ZMYND15: variants seen among roughly 807,000 people sequenced by gnomAD.
The protein encoded by ZMYND15 is zinc finger MYND domain-containing protein 15.
In ZMYND15, 54 loss-of-function variants were observed where a neutral mutation model predicts 81.7. That is an observed-to-expected ratio of 0.66 (90% CI 0.53 to 0.83). ZMYND15 has a LOEUF of 0.83. Among genes scored for constraint, ZMYND15 ranks in the 40% least tolerant of loss-of-function variants. The pLI is 0.00. For missense variants in ZMYND15, 925 were observed against 973.5 expected (o/e 0.95, Z 0.66); for synonymous variants, 399 against 387.0 (o/e 1.03, Z -0.36).
rs1916589937 is a variant in ZMYND15 at position 4,744,799 on chromosome 17, G to C, written c.1837+21G>C. 1 of 1,614,058 alleles carries C rather than the reference G, an allele frequency of 6.2e-7. No homozygotes were observed. Among genetic ancestry groups the C allele is most frequent in the Non-Finnish European group, 8.5e-7 (1 of 1,180,032 alleles). On this transcript the variant is annotated intron_variant, in intron 11 of 13. Coordinates refer to ENST00000433935, the MANE Select transcript of ZMYND15 (RefSeq NM_001136046.3). This position sits in a 1 kb window ranked among gnomAD's most constrained non-coding sequence, Gnocchi z 4.1. The stretch of plus-strand genomic sequence containing the variant: ...TATTGGTAAAAGCCTGGGTCTCAGG[G>C]TTAGGCATGTGGGGAAGGTGGGAGA...
rs186245265 is a variant in ZMYND15 at position 4,740,406 on chromosome 17, C to T, written c.-30-113C>T. On this transcript the variant is annotated intron_variant, in intron 1 of 13. Coordinates refer to ENST00000433935, the MANE Select transcript of ZMYND15 (RefSeq NM_001136046.3). ...CTCTTCTCCGCTCCTAGCATATCCA[C>T]GGATCCAACCCTAAGTGACTCTCAA... 13 of 1,368,202 alleles carry T rather than the reference C, an allele frequency of 9.5e-6. No homozygotes were observed. The East Asian group carries it at 2.4e-4, about 26-fold the overall frequency. 84.8% of individuals were successfully genotyped at this position (1,368,202 alleles called of 1,614,324 possible). A position where few individuals can be genotyped will look rare whatever the true frequency, so the allele number is the denominator to read the frequency against.
At position 4,741,733 on chromosome 17, in the gene ZMYND15, C is replaced by T. The variant is rs1224893748; in HGVS notation, c.744C>T (p.Leu248=). 2 of 1,611,716 alleles carry T rather than the reference C, an allele frequency of 1.2e-6. No individual in the cohort carries two copies. Among genetic ancestry groups the T allele is most frequent in the Non-Finnish European group, 1.7e-6 (2 of 1,178,640 alleles). The change falls in exon 3 of 14, where the codon CTC becomes CTT. Residue 248 remains leucine, a synonymous_variant. Transcript: ENST00000433935. ...KDLAPWAYAL[L]CHSMACPMGS... ...TGGCTCCTTGGGCCTATGCTCTCCT[C>T]TGTCACAGCATGGCCTGTCCCATGG...
rs561859106 is a variant in ZMYND15, at chr17:4,745,616, G to A, written c.2058-203G>A. 1.3e-5 allele frequency among the ~76,000 whole-genome samples: 2 copies of A among 151,338 alleles called. No individual in the cohort carries two copies. The highest frequency in any genetic ancestry group is 2.1e-4 in the South Asian group (1 of 4,784). On this transcript the variant is annotated intron_variant, in intron 13 of 13. Coordinates refer to ENST00000433935, the MANE Select transcript of ZMYND15 (RefSeq NM_001136046.3). The surrounding 1 kb of genome is among the most constrained non-coding windows in gnomAD (Gnocchi z 5.2). ...ATCTCCCCAACCCACAAAAGACCCCGCGACCCTCCAACAGACCCAACCCTG... is the reference window on the plus strand; with the variant it reads ...ATCTCCCCAACCCACAAAAGACCCCACGACCCTCCAACAGACCCAACCCTG...
rs1597285952 is a variant in ZMYND15, at chr17:4,745,728, T to C, written c.2058-91T>C. 1 of 487,480 alleles carries C rather than the reference T, an allele frequency of 2.1e-6. No homozygotes were observed. The allele number at this position is 487,480 out of a possible 1,614,324, so 30.2% of individuals were successfully genotyped here. On this transcript the variant is annotated intron_variant, in intron 13 of 13. Transcript: ENST00000433935. This position sits in a 1 kb window ranked among gnomAD's most constrained non-coding sequence, Gnocchi z 5.2. ...CGGTGGAGCCCCGCCCCCTGGTCCC[T>C]GACCGCGCCCCTGGGAGCCCCGACC...
rs1916386174 is a variant in ZMYND15 at position 4,741,087 on chromosome 17, A to G, written c.539A>G (p.Glu180Gly). ...EAGGGKDGCR[E>G]DRVENETRPQ... The stretch of plus-strand genomic sequence containing the variant: ...GGAGGTGGCAAGGATGGCTGCCGAG[A>G]GGACAGGGTGGAGAACGAAACAAGA... The change falls in exon 2 of 14, where the codon GAG (glutamate) becomes GGG (glycine). Residue 180 changes from glutamate to glycine, a missense_variant. Glu to Gly is a moderately conservative substitution (Grantham distance 98). Transcript: ENST00000433935. 6.5e-7 allele frequency: 1 copy of G among 1,539,766 alleles called. No homozygotes were observed. The highest frequency in any genetic ancestry group is 1.4e-5 in the African/African-American group (1 of 72,816).
In ZMYND15 at chr17:4,743,578, T is replaced by C; in HGVS notation, c.1297+123T>C. 7.0e-7 allele frequency: 1 copy of C among 1,434,496 alleles called. No individual in the cohort carries two copies. Among genetic ancestry groups the C allele is most frequent in the South Asian group, 1.3e-5 (1 of 75,418 alleles). The allele number at this position is 1,434,496 out of a possible 1,614,324, so 88.9% of individuals were successfully genotyped here. On this transcript the variant is annotated intron_variant, in intron 6 of 13. Coordinates refer to ENST00000433935, the MANE Select transcript of ZMYND15 (RefSeq NM_001136046.3). This position sits in a 1 kb window ranked among gnomAD's most constrained non-coding sequence, Gnocchi z 4.3. ...ACCCCTACCAACAGCACCAGGGCCA[T>C]TTCAGGCCTTTCCCAGCCCTCAATG... is the stretch of plus-strand genomic sequence containing the variant.
At position 4,740,953 on chromosome 17, in the gene ZMYND15, C is replaced by T. The variant is rs564138754; in HGVS notation, c.405C>T (p.Ser135=). The T allele has an allele frequency of 4.1e-5, 65 of 1,574,738 alleles. No homozygotes were observed. In the East Asian group the frequency reaches 1.5e-3, roughly 35 times the overall value. Residue 135 remains serine, a synonymous_variant, in exon 2 of 14, where the codon AGC becomes AGT. Transcript: ENST00000433935. ...AGAGAGAGGACGGGGGTGCAGGCAG[C>T]ACAGAGAAGGTGGAACCAGAGGAGG... The part of the protein sequence containing the change: ...EEKREDGGAG[S]TEKVEPEEDR...
intron 1 of ZMYND15, 142 bp from the exon 2 acceptor site, chr17:4,740,377 A>C: frequency 7.7e-7 from 1 of 1,303,768 alleles, no homozygotes; most frequent in Non-Finnish European, 9.8e-7. Context: ...AGCCCTGAAA[A>C]ATCCTCTTCT....
rs372886485 is a variant in ZMYND15, at chr17:4,740,941, G to T, written c.393G>T (p.Gly131=). The T allele has an allele frequency of 1.3e-6, 2 of 1,580,010 alleles. No individual in the cohort carries two copies. The highest frequency in any genetic ancestry group is 1.7e-6 in the Non-Finnish European group (2 of 1,162,222). ...AAGAAGAAGAGAAGAGAGAGGACGG[G>T]GGTGCAGGCAGCACAGAGAAGGTGG... ...EDEEEEKRED[G]GAGSTEKVEP... Residue 131 remains glycine, a synonymous_variant, in exon 2 of 14, where the codon GGG becomes GGT. Coordinates refer to ENST00000433935, the MANE Select transcript of ZMYND15 (RefSeq NM_001136046.3).
In ZMYND15 at chr17:4,745,023, C is replaced by T; in HGVS notation, c.1896+95C>T. The T allele has an allele frequency of 1.3e-6, 2 of 1,565,148 alleles. No homozygotes were observed. Among genetic ancestry groups the T allele is most frequent in the Non-Finnish European group, 1.8e-6 (2 of 1,139,462 alleles). ...AGTCTCTGGGCTCTCCTCCTCTTCA[C>T]CATCACCTGCTCCACAAACCTGGGG... is the stretch of plus-strand genomic sequence containing the variant. On this transcript the variant is annotated intron_variant, in intron 12 of 13. Coordinates refer to ENST00000433935, the MANE Select transcript of ZMYND15 (RefSeq NM_001136046.3). The surrounding 1 kb of genome is among the most constrained non-coding windows in gnomAD (Gnocchi z 5.2).
chr17:4,744,240 G>C lies in ZMYND15; in HGVS notation c.1546G>C (p.Glu516Gln). 1.2e-6 allele frequency: 2 copies of C among 1,614,138 alleles called. No homozygotes were observed. The highest frequency in any genetic ancestry group is 1.7e-6 in the Non-Finnish European group (2 of 1,180,020). ...ACAGTCACTGAAGATCCACGTGGTGGAGGCCGGGAAGGAGTTTGACCTTGT... is the reference window on the plus strand; with the variant it reads ...ACAGTCACTGAAGATCCACGTGGTGCAGGCCGGGAAGGAGTTTGACCTTGT... ...NKQSLKIHVV[E>Q]AGKEFDLVMV... The change falls in exon 9 of 14, where the codon GAG (glutamate) becomes CAG (glutamine). Residue 516 changes from glutamate (E) to glutamine (Q), a missense_variant. Physicochemically the swap from Glu to Gln is conservative, Grantham distance 29. Transcript: ENST00000433935. This position sits in a 1 kb window ranked among gnomAD's most constrained non-coding sequence, Gnocchi z 4.1.
In ZMYND15 at chr17:4,745,060, G is replaced by T; in HGVS notation, c.1896+132G>T. On this transcript the variant is annotated intron_variant, in intron 12 of 13. Transcript: ENST00000433935. This position sits in a 1 kb window ranked among gnomAD's most constrained non-coding sequence, Gnocchi z 5.2. ...CCACAAACCTGGGGAGTGCCCACGG[G>T]TCCCCCTGCCTCTCTCTGTGTCTGT... is the stretch of plus-strand genomic sequence containing the variant. 1.3e-6 allele frequency: 2 copies of T among 1,531,752 alleles called. No homozygotes were observed. The highest frequency in any genetic ancestry group is 2.3e-5 in the South Asian group (2 of 86,746). 94.9% of individuals were successfully genotyped at this position (1,531,752 alleles called of 1,614,324 possible).
intron 1 of ZMYND15, chr17:4,740,312 C>A: frequency 1.1e-6 from 1 of 918,524 alleles, no homozygotes. Context: ...TTCTCCAACC[C>A]TGGTCACCCA....
chr17:4,745,126 G>A lies in ZMYND15; in HGVS notation c.1897-89G>A, dbSNP rs1916605405. ...GCTCCCCTCCGCCCGGTCTGTCCGG[G>A]GACCTCGGCTTTCAGCCCGGTCTGT... On this transcript the variant is annotated intron_variant, in intron 12 of 13. Coordinates refer to ENST00000433935, the MANE Select transcript of ZMYND15 (RefSeq NM_001136046.3). This position sits in a 1 kb window ranked among gnomAD's most constrained non-coding sequence, Gnocchi z 5.2. 1 of 1,604,094 alleles carries A rather than the reference G, an allele frequency of 6.2e-7. No individual in the cohort carries two copies. Among genetic ancestry groups the A allele is most frequent in the Non-Finnish European group, 8.5e-7 (1 of 1,174,324 alleles).
chr17:4,740,669 C>T lies in ZMYND15; in HGVS notation c.121C>T (p.Arg41Trp), dbSNP rs372994654. ...AVGTSLEGRC[R>W]QLEAQIRRLP... Reference sequence around the variant, plus strand: ...AGGGACTAGCCTTGAGGGCCGCTGCCGGCAGCTGGAGGCCCAGATCAGAAG... The same window carrying T: ...AGGGACTAGCCTTGAGGGCCGCTGCTGGCAGCTGGAGGCCCAGATCAGAAG... The change falls in exon 2 of 14, where the codon CGG becomes TGG. Residue 41 changes from arginine (R) to tryptophan (W), a missense_variant. Physicochemically the swap from Arg to Trp is moderately radical, Grantham distance 101. Transcript: ENST00000433935. 8.1e-6 allele frequency: 13 copies of T among 1,614,174 alleles called. No homozygotes were observed. In the Admixed American group the frequency reaches 1.0e-4, roughly 12 times the overall value.
chr17:4,740,118 C>A, intron 1 of ZMYND15, 68 bp downstream of exon 1: 1 of 972,282 alleles, frequency 1.0e-6, no homozygotes, highest in Non-Finnish European at 1.2e-6. Flanking sequence ...CAGATCCGAG[C>A]CCAGGGAACC....
In ZMYND15 at chr17:4,744,926, C is replaced by A; in HGVS notation, c.1894C>A (p.Gln632Lys). The A allele has an allele frequency of 6.2e-7, 1 of 1,614,148 alleles. No homozygotes were observed. The highest frequency in any genetic ancestry group is 8.5e-7 in the Non-Finnish European group (1 of 1,180,010). ...DTWLRSLPRL[Q>K]SLRVPAFFTE... ...GTGGCTGAGGTCTCTGCCCCGGTTA[C>A]AGGTGGGCAATGGGGGCAAAAGGGA... The change falls in exon 12 of 14, where the codon CAG becomes AAG. Residue 632 changes from glutamine (Q) to lysine (K), a missense_variant and splice_region_variant. Physicochemically the swap from Gln to Lys is moderately conservative, Grantham distance 53. Transcript: ENST00000433935. The surrounding 1 kb of genome is among the most constrained non-coding windows in gnomAD (Gnocchi z 4.1).
chr17:4,740,414 A>C (rs947905459), intron 1 of ZMYND15, 105 bp from the exon 2 acceptor site: 2 of 1,394,768 alleles, frequency 1.4e-6, no homozygotes, highest in African/African-American at 1.5e-5. Context: ...CACGGATCCA[A>C]CCCTAAGTGA....
rs1303602330 is a variant in ZMYND15, at chr17:4,740,264, A to G, written c.-31+214A>G. 7 of 637,702 alleles carry G rather than the reference A, an allele frequency of 1.1e-5. No homozygotes were observed. In the East Asian group the frequency reaches 1.9e-4, roughly 17 times the overall value. The allele number at this position is 637,702 out of a possible 1,614,324, so 39.5% of individuals were successfully genotyped here. A position where few individuals can be genotyped will look rare whatever the true frequency, so the allele number is the denominator to read the frequency against. On this transcript the variant is annotated intron_variant, in intron 1 of 13. Coordinates refer to ENST00000433935, the MANE Select transcript of ZMYND15 (RefSeq NM_001136046.3). ...TGCTTTTGAGGGTGTGAACTCTCCAATTTTAAGCCCCAAATACCATCTCAT... is the reference window on the plus strand; with the variant it reads ...TGCTTTTGAGGGTGTGAACTCTCCAGTTTTAAGCCCCAAATACCATCTCAT...
Sources: gnomAD v4.1 joint callset for allele counts (sites outside exome capture counted in the v4.1 genomes callset) on GRCh38, gnomAD v4.1.1 for gene constraint, Gnocchi (gnomAD v3.1) non-coding constraint, MANE v1.5 for transcripts, NCBI Gene and HGNC (gene_info 2026-07-23, HGNC 2026-07-21) for gene names.